Variants in PRKCI observed in about 807,000 individuals in gnomAD.
The protein encoded by PRKCI is protein kinase C iota type.
In PRKCI, 43 loss-of-function variants were observed where a neutral mutation model predicts 84.0. That is an observed-to-expected ratio of 0.51 (90% CI 0.40 to 0.66). PRKCI has a LOEUF of 0.66. Among genes scored for constraint, PRKCI ranks in the 30% least tolerant of loss-of-function variants. The pLI, the probability that PRKCI is intolerant of heterozygous loss-of-function variation, is 0.00. For missense variants in PRKCI, 459 were observed against 745.6 expected (o/e 0.62, Z 4.48); for synonymous variants, 216 against 234.4 (o/e 0.92, Z 0.72).
chr3:170,272,493 GCTGA>G (rs780346605), intron 6 of PRKCI, among the ~76,000 whole-genome samples: 36 of 152,246 alleles, frequency 2.4e-4, no homozygotes, highest in Middle Eastern at 3.4e-3. Context: ...AAAACAGAAG[GCTGA>G]CTATTTCCAA....
intron 14 of PRKCI, 80 bp downstream of exon 14, chr3:170,293,588 T>C: frequency 7.0e-7 from 1 of 1,430,410 alleles, no homozygotes; most frequent in African/African-American, 1.4e-5. Flanking sequence ...GGTTACTACT[T>C]TGAGTAAGAA....
At chr3:170,281,511 A>G (rs1040776699) in intron 10 of PRKCI, 4 of 428,928 alleles carry the variant, frequency 9.3e-6, no homozygotes, top group African/African-American at 8.1e-5. Flanking sequence ...TAGAAATCCA[A>G]CCTTTTAAAT....
rs763485920 is a variant in PRKCI, at chr3:170,260,095, T to C, written c.313+37T>C. On this transcript the variant is annotated intron_variant, in intron 3 of 17. Coordinates refer to ENST00000295797, the MANE Select transcript of PRKCI (RefSeq NM_002740.6). ...GTCATTTCATACTCGTCCAGACTGA[T>C]AATTTCTTTGAAATCACTCTTTATT... 5.2e-6 allele frequency: 7 copies of C among 1,347,506 alleles called. No homozygotes were observed. The East Asian group carries it at 1.4e-4, about 27-fold the overall frequency. The allele number at this position is 1,347,506 out of a possible 1,614,324, so 83.5% of individuals were successfully genotyped here.
intron 17 of PRKCI, among the ~76,000 whole-genome samples, chr3:170,301,399 G>A (rs1734814361): frequency 6.6e-6 from 1 of 152,162 alleles, no homozygotes; most frequent in Non-Finnish European, 1.5e-5. Context: ...CTCCTGAGCT[G>A]CATTTCTGTT....
intron 10 of PRKCI, 77 bp from the exon 11 acceptor site, chr3:170,281,805 G>T: frequency 6.6e-7 from 1 of 1,504,838 alleles, no homozygotes; most frequent in East Asian, 2.4e-5. Flanking sequence ...GCTCTCTGTT[G>T]TGATGGTTTC....
At chr3:170,230,363 C>G (rs958063740) in intron 1 of PRKCI, among the ~76,000 whole-genome samples, 16 of 152,168 alleles carry the variant, frequency 1.1e-4, no homozygotes, top group African/African-American at 3.6e-4. Context: ...CAAGGTCTTG[C>G]TCAGTCGCCC....
Position 170,303,712 on chromosome 3 carries a change from TC to T in PRKCI, c.*586del. On this transcript the variant is annotated 3_prime_UTR_variant, in exon 18 of 18. Transcript: ENST00000295797. ...TGCTGCTTGCTTAGAATTGGGAAAT[TC>T]GGCTGGGTGCAGTGACTCAATGCCT... The T allele has an allele frequency of 4.6e-6, 1 of 215,244 alleles. No homozygotes were observed. 13.3% of individuals were successfully genotyped at this position (215,244 alleles called of 1,614,324 possible).
At chr3:170,259,930 G>T (rs747240625) in intron 2 of PRKCI, 39 bp from the exon 3 acceptor site, 5 of 1,318,238 alleles carry the variant, frequency 3.8e-6, no homozygotes, top group Non-Finnish European at 5.3e-6. Flanking sequence ...ACATTTAGGG[G>T]TTTTAAAGTG....
At chr3:170,295,835 C>T (rs1237005101) in intron 14 of PRKCI, 76 bp from the exon 15 acceptor site, 5 of 848,984 alleles carry the variant, frequency 5.9e-6, no homozygotes, top group Non-Finnish European at 8.7e-6. Context: ...ACAGAACAAG[C>T]CCCTTTCAAA....
intron 2 of PRKCI, among the ~76,000 whole-genome samples, chr3:170,256,780 C>CT (rs1457732594): frequency 7.9e-5 from 12 of 151,982 alleles, no homozygotes; most frequent in Non-Finnish European, 1.6e-4. Context: ...CGCCTTTCTC[C>CT]TTTTTTTGAT....
chr3:170,280,571 C>T (rs1296180727), intron 9 of PRKCI, among the ~76,000 whole-genome samples, 168 bp downstream of exon 9: 1 of 152,112 alleles, frequency 6.6e-6, no homozygotes, highest in Non-Finnish European at 1.5e-5. Context: ...GCCTCAGCCT[C>T]CCAAGTAGCT....
intron 2 of PRKCI, among the ~76,000 whole-genome samples, chr3:170,245,961 T>TGTTTGTTTG (rs201890085): frequency 4.7e-5 from 7 of 147,650 alleles, no homozygotes; most frequent in South Asian, 2.2e-4. Flanking sequence ...TTTTTTTTTT[T>TGTTTGTTTG]TTTTTTTTTC....
intron 2 of PRKCI, among the ~76,000 whole-genome samples, chr3:170,243,769 A>G (rs751398596): frequency 2.0e-5 from 3 of 152,168 alleles, no homozygotes; most frequent in Admixed American, 6.6e-5. Context: ...CTGTATTCCA[A>G]TTAGAAGATA....
chr3:170,287,620 A>G lies in PRKCI; in HGVS notation c.1203+3024A>G, dbSNP rs1281153283. 2.0e-5 allele frequency among the ~76,000 whole-genome samples: 3 copies of G among 151,940 alleles called. No individual in the cohort carries two copies. The East Asian group carries it at 5.8e-4, about 29-fold the overall frequency. The stretch of plus-strand genomic sequence containing the variant: ...ATGGAATCACTGCATTGTTTAAACA[A>G]TCAAAATGGGCAGGGTGTGATGGCT... On this transcript the variant is annotated intron_variant, in intron 12 of 17. Coordinates refer to ENST00000295797, the MANE Select transcript of PRKCI (RefSeq NM_002740.6).
intron 2 of PRKCI, among the ~76,000 whole-genome samples, chr3:170,236,908 A>G (rs1382148417): frequency 2.0e-5 from 3 of 151,968 alleles, no homozygotes; most frequent in Admixed American, 2.0e-4. Flanking sequence ...AGAAGCAAAT[A>G]TCTGTGTGCT....
At chr3:170,298,183 A>G (rs915716422) in intron 16 of PRKCI, among the ~76,000 whole-genome samples, 1 of 151,964 alleles carries the variant, frequency 6.6e-6, no homozygotes, top group African/African-American at 2.4e-5. Flanking sequence ...AAAAAATTGA[A>G]TATTAATGTA....
chr3:170,279,868 G>A (rs1477854397), intron 8 of PRKCI, among the ~76,000 whole-genome samples: 2 of 152,082 alleles, frequency 1.3e-5, no homozygotes, highest in Admixed American at 6.6e-5. Flanking sequence ...GACGTTCCCT[G>A]TCAGTGGTAC....
chr3:170,245,186 T>C (rs1733241919), intron 2 of PRKCI, among the ~76,000 whole-genome samples: 1 of 152,170 alleles, frequency 6.6e-6, no homozygotes, highest in South Asian at 2.1e-4. Context: ...GAGGTATTGG[T>C]TACTGAGTCC....
intron 8 of PRKCI, among the ~76,000 whole-genome samples, chr3:170,276,454 C>CT (rs144477921): frequency 0.082 from 12,300 of 149,278 alleles, 1,039 homozygotes; most frequent in African/African-American, 0.22. Flanking sequence ...TTCTTTTTAA[C>CT]TTTTTTTTTT....
Sources: allele counts gnomAD v4.1 joint callset (sites outside exome capture counted in the v4.1 genomes callset), GRCh38; gene constraint gnomAD v4.1.1; transcripts MANE v1.5; gene names NCBI Gene and HGNC (gene_info 2026-07-23, HGNC 2026-07-21).